RAB2A: variants seen among roughly 807,000 people sequenced by gnomAD.
The protein encoded by RAB2A is ras-related protein Rab-2A.
Under a neutral mutation model 32.5 loss-of-function variants are expected in RAB2A, and 7 were observed. That is an observed-to-expected ratio of 0.22 (90% CI 0.12 to 0.40). RAB2A has a LOEUF of 0.40. Among genes scored for constraint, RAB2A ranks in the 10% least tolerant of loss-of-function variants. The pLI, the probability that RAB2A is intolerant of heterozygous loss-of-function variation, is 1.00. For missense variants in RAB2A, 108 were observed against 260.7 expected, an observed-to-expected ratio of 0.41 and a Z score of 4.03; for synonymous variants, 79 against 85.2, an observed-to-expected ratio of 0.93 and a Z score of 0.40.
intron 2 of RAB2A, among the ~76,000 whole-genome samples, chr8:60,565,832 T>G (rs976624690): frequency 4.6e-4 from 69 of 151,486 alleles, no homozygotes; most frequent in African/African-American, 1.6e-3. Flanking sequence ...TGCCTCAGCC[T>G]CCTGAGTAGC....
chr8:60,529,286 C>G (rs1807440535), intron 1 of RAB2A, among the ~76,000 whole-genome samples: 1 of 152,056 alleles, frequency 6.6e-6, no homozygotes, highest in Non-Finnish European at 1.5e-5. Context: ...GTAGTGAGTT[C>G]AGGTTTCCGT....
At chr8:60,569,805 TG>T in intron 2 of RAB2A, 1 of 332,708 alleles carries the variant, frequency 3.0e-6, no homozygotes, top group Non-Finnish European at 6.0e-6. Context: ...ACTGAGCCTC[TG>T]GGCCCAGCTG....
chr8:60,545,179 C>T (rs925112967), intron 1 of RAB2A, among the ~76,000 whole-genome samples: 1 of 151,910 alleles, frequency 6.6e-6, no homozygotes, highest in African/African-American at 2.4e-5. Context: ...GTAGAATACC[C>T]AGCACCTACT....
chr8:60,593,174 A>T (rs1803969576), intron 6 of RAB2A, among the ~76,000 whole-genome samples: 1 of 152,206 alleles, frequency 6.6e-6, no homozygotes, highest in South Asian at 2.1e-4. Flanking sequence ...TTGACAAAGG[A>T]GATACATTCT....
At chr8:60,539,421 G>A (rs1219353796) in intron 1 of RAB2A, among the ~76,000 whole-genome samples, 1 of 152,090 alleles carries the variant, frequency 6.6e-6, no homozygotes, top group Non-Finnish European at 1.5e-5. Context: ...GAATAAGGTG[G>A]TATAATTACC....
intron 6 of RAB2A, among the ~76,000 whole-genome samples, chr8:60,592,803 C>T (rs1201400039): frequency 6.6e-6 from 1 of 152,054 alleles, no homozygotes; most frequent in African/African-American, 2.4e-5. Flanking sequence ...AAATGTATTA[C>T]TATACTGTTA....
intron 6 of RAB2A, among the ~76,000 whole-genome samples, chr8:60,593,991 CTT>C (rs747299203): frequency 1.3e-5 from 2 of 151,210 alleles, no homozygotes; most frequent in Non-Finnish European, 2.9e-5. Context: ...GAAAAAAAAA[CTT>C]AGTGAATGGA....
intron 1 of RAB2A, among the ~76,000 whole-genome samples, chr8:60,531,749 C>T (rs1807479119): frequency 6.6e-6 from 1 of 150,848 alleles, no homozygotes; most frequent in African/African-American, 2.4e-5. Context: ...CTGTTTTTCA[C>T]TAGTCTTCAG....
chr8:60,607,424 A>G (rs1171977482), intron 6 of RAB2A, among the ~76,000 whole-genome samples: 1 of 111,732 alleles, frequency 8.9e-6, no homozygotes, highest in Non-Finnish European at 1.7e-5. Flanking sequence ...GCGAGACTCC[A>G]TCTCAAAAAA....
chr8:60,518,808 G>A (rs1807255614), intron 1 of RAB2A, among the ~76,000 whole-genome samples: 2 of 152,038 alleles, frequency 1.3e-5, no homozygotes. Flanking sequence ...TTTCATTTAG[G>A]CTGTAAAAAC....
chr8:60,617,035 G>A (rs2326572), intron 6 of RAB2A, among the ~76,000 whole-genome samples: 12,465 of 152,188 alleles, frequency 0.082, 1,551 homozygotes, highest in African/African-American at 0.27. Flanking sequence ...CAGTGGTAAT[G>A]GAGTATAGCT....
In RAB2A at chr8:60,560,203, T is replaced by C. The variant is rs1808000096; in HGVS notation, c.118+1280T>C. On this transcript the variant is annotated intron_variant, in intron 2 of 7. Transcript: ENST00000262646. ...ATCCCTGGCTCATTATCTTCCCATC[T>C]CAGCTTCCCAGGTAGCTAGGACTAC... Among the ~76,000 whole-genome samples, 3 of 152,182 alleles carry C rather than the reference T, an allele frequency of 2.0e-5. No individual in the cohort carries two copies. In the South Asian group the frequency reaches 6.2e-4, roughly 32 times the overall value.
intron 1 of RAB2A, among the ~76,000 whole-genome samples, chr8:60,546,281 G>T (rs1807725537): frequency 6.6e-6 from 1 of 152,150 alleles, no homozygotes; most frequent in African/African-American, 2.4e-5. Flanking sequence ...AACCTATCAG[G>T]TTTAAGATTC....
chr8:60,614,489 C>G (rs150460316), intron 6 of RAB2A, among the ~76,000 whole-genome samples: 1 of 152,060 alleles, frequency 6.6e-6, no homozygotes, highest in South Asian at 2.1e-4. Context: ...TGACCTCAAG[C>G]AGTCTTCCTG....
chr8:60,620,875 T>C lies in RAB2A; in HGVS notation c.*106T>C. On this transcript the variant is annotated 3_prime_UTR_variant, in exon 8 of 8. Transcript: ENST00000262646. ...TGAAACTATTTGAAATGGCTTTATGTCACAGAAGACTTTAATCCGTCAAAT... is the reference window on the plus strand; with the variant it reads ...TGAAACTATTTGAAATGGCTTTATGCCACAGAAGACTTTAATCCGTCAAAT... The C allele has an allele frequency of 7.9e-6, 7 of 888,660 alleles. No individual in the cohort carries two copies. In the South Asian group the frequency reaches 1.3e-4, roughly 16 times the overall value. 55.0% of individuals were successfully genotyped at this position (888,660 alleles called of 1,614,324 possible).
At chr8:60,548,698 A>G (rs1288074240) in intron 1 of RAB2A, among the ~76,000 whole-genome samples, 1 of 119,288 alleles carries the variant, frequency 8.4e-6, no homozygotes, top group Non-Finnish European at 1.7e-5. Context: ...GGGGCTCCTC[A>G]CTTCCCAGTA....
intron 1 of RAB2A, among the ~76,000 whole-genome samples, chr8:60,529,572 G>A (rs1013711682): frequency 2.0e-5 from 3 of 152,052 alleles, no homozygotes; most frequent in African/African-American, 4.8e-5. Context: ...TTGAATTCAG[G>A]TATTTGATAT....
chr8:60,583,331 A>C (rs904502401), intron 3 of RAB2A, among the ~76,000 whole-genome samples: 5 of 152,338 alleles, frequency 3.3e-5, no homozygotes, highest in African/African-American at 1.2e-4. Context: ...ATGAAAAATA[A>C]CTTCTTATAA....
intron 6 of RAB2A, among the ~76,000 whole-genome samples, chr8:60,592,805 A>G (rs998195825): frequency 6.6e-6 from 1 of 152,214 alleles, no homozygotes; most frequent in African/African-American, 2.4e-5. Flanking sequence ...ATGTATTACT[A>G]TACTGTTATT....
Sources: allele counts gnomAD v4.1 joint callset (sites outside exome capture counted in the v4.1 genomes callset), GRCh38; gene constraint gnomAD v4.1.1; transcripts MANE v1.5; gene names NCBI Gene and HGNC (gene_info 2026-07-23, HGNC 2026-07-21).